The following TMEM45A variants were observed in gnomAD, a reference collection of about 807,000 sequenced individuals.
TMEM45A encodes the protein transmembrane protein 45A, also known as DNA polymerase-transactivated protein 4.
Under a neutral mutation model 32.0 loss-of-function variants are expected in TMEM45A, and 25 were observed. The observed-to-expected ratio is 0.78, with a 90% CI of 0.57 to 1.09. The LOEUF (loss-of-function observed/expected upper bound fraction) is 1.09, where lower values mean the gene tolerates loss of function less well. Ranked by LOEUF, TMEM45A falls within the 50% of genes least tolerant of loss-of-function variation. TMEM45A has a pLI of 0.00. For missense variants in TMEM45A, 302 were observed against 325.0 expected (o/e 0.93, Z 0.54); for synonymous variants, 122 against 114.8 (o/e 1.06, Z -0.40).
chr3:100,537,731 C>G (rs536903656), intron 1 of TMEM45A, among the ~76,000 whole-genome samples: 13 of 152,228 alleles, frequency 8.5e-5, no homozygotes, highest in Non-Finnish European at 1.8e-4. Context: ...GATAGCCAAA[C>G]GTTCACACAG....
intron 1 of TMEM45A, among the ~76,000 whole-genome samples, chr3:100,541,422 G>A (rs1272303918): frequency 2.0e-5 from 3 of 151,728 alleles, no homozygotes; most frequent in Non-Finnish European, 4.4e-5. Context: ...CCAGAATGGT[G>A]CTTCATAGGC....
At chr3:100,540,691 C>T (rs1705855333) in intron 1 of TMEM45A, among the ~76,000 whole-genome samples, 1 of 152,240 alleles carries the variant, frequency 6.6e-6, no homozygotes, top group East Asian at 1.9e-4. Context: ...GAATTGTGCT[C>T]CTAGTATTTA....
chr3:100,523,959 C>T (rs1464770845), intron 1 of TMEM45A, among the ~76,000 whole-genome samples: 1 of 152,208 alleles, frequency 6.6e-6, no homozygotes, highest in African/African-American at 2.4e-5. Context: ...TTTGTTTGGT[C>T]ATAGTAGAAT....
rs1223031404 is a variant in TMEM45A, at chr3:100,577,290, C to A, written c.*272C>A. ...TTCCAGATTATCTAAAGTTGGATGC[C>A]CACACTATGAAAGAAATATTTGTTT... On this transcript the variant is annotated 3_prime_UTR_variant, in exon 6 of 6. Coordinates refer to ENST00000323523, the MANE Select transcript of TMEM45A (RefSeq NM_018004.3). The A allele has an allele frequency of 3.3e-6, 1 of 304,968 alleles. No individual in the cohort carries two copies. The highest frequency in any genetic ancestry group is 2.2e-5 in the African/African-American group (1 of 44,638). The allele number at this position is 304,968 out of a possible 1,614,324, so 18.9% of individuals were successfully genotyped here.
chr3:100,543,351 G>C (rs1328697015), intron 1 of TMEM45A, among the ~76,000 whole-genome samples: 1 of 152,084 alleles, frequency 6.6e-6, no homozygotes, highest in Non-Finnish European at 1.5e-5. Context: ...TAGGAATTTT[G>C]GGAGAGTACA....
In TMEM45A at chr3:100,577,098, T is replaced by C. The variant is rs1375878074; in HGVS notation, c.*80T>C. 15 of 1,203,410 alleles carry C rather than the reference T, an allele frequency of 1.2e-5. No individual in the cohort carries two copies. The highest frequency in any genetic ancestry group is 1.8e-5 in the Non-Finnish European group (15 of 837,648). The allele number at this position is 1,203,410 out of a possible 1,614,324, so 74.5% of individuals were successfully genotyped here. ...TGGTTTTGTTTCTCGATCTTTTGTT[T>C]GGAGAACAGCTGGCTAAGGATGACT... On this transcript the variant is annotated 3_prime_UTR_variant, in exon 6 of 6. Coordinates refer to ENST00000323523, the MANE Select transcript of TMEM45A (RefSeq NM_018004.3).
In TMEM45A at chr3:100,549,668, A is replaced by T. The variant is rs139166235; in HGVS notation, c.-3-5541A>T. On this transcript the variant is annotated intron_variant, in intron 1 of 5. Transcript: ENST00000323523. ...ATTGGTTTAATCTCAAAGGAGGAAGAGTGGGCAGTTTTAGATTTAGGGCCA... is the reference window on the plus strand; with the variant it reads ...ATTGGTTTAATCTCAAAGGAGGAAGTGTGGGCAGTTTTAGATTTAGGGCCA... Among the ~76,000 whole-genome samples, 552 of 152,314 alleles carry T rather than the reference A, an allele frequency of 3.6e-3. 5 individuals carry two copies. The highest frequency in any genetic ancestry group is 0.012 in the African/African-American group (483 of 41,574).
chr3:100,543,939 G>A (rs1049031680), intron 1 of TMEM45A, among the ~76,000 whole-genome samples: 6 of 152,218 alleles, frequency 3.9e-5, no homozygotes, highest in African/African-American at 9.6e-5. Context: ...AAATGGGGGC[G>A]ATAGCATTAC....
chr3:100,519,590 G>A (rs1278476302), intron 1 of TMEM45A: 8 of 1,550,904 alleles, frequency 5.2e-6, no homozygotes, highest in African/African-American at 1.4e-5. Context: ...AAGGGAAAAT[G>A]GGATTTAAAC....
intron 1 of TMEM45A, among the ~76,000 whole-genome samples, chr3:100,526,774 C>A (rs1705553418): frequency 6.6e-6 from 1 of 152,184 alleles, no homozygotes; most frequent in South Asian, 2.1e-4. Context: ...ACAACTCCAA[C>A]AAATTAAGCT....
chr3:100,563,994 C>G (rs1432380587), intron 4 of TMEM45A, among the ~76,000 whole-genome samples: 1 of 152,170 alleles, frequency 6.6e-6, no homozygotes, highest in African/African-American at 2.4e-5. Context: ...AATGCAGAGG[C>G]CCCAGCCCTT....
At chr3:100,535,996 G>A (rs1367774178) in intron 1 of TMEM45A, among the ~76,000 whole-genome samples, 3 of 152,164 alleles carry the variant, frequency 2.0e-5, no homozygotes, top group Admixed American at 6.5e-5. Flanking sequence ...CTAGAACAAT[G>A]TTTCTTAACT....
At chr3:100,546,209 C>A (rs1014929350) in intron 1 of TMEM45A, among the ~76,000 whole-genome samples, 1 of 152,170 alleles carries the variant, frequency 6.6e-6, no homozygotes, top group Non-Finnish European at 1.5e-5. Context: ...CTAGGTGGCA[C>A]CTTGGTTTTA....
chr3:100,525,549 A>G (rs561734712), intron 1 of TMEM45A, among the ~76,000 whole-genome samples: 1 of 152,348 alleles, frequency 6.6e-6, no homozygotes, highest in African/African-American at 2.4e-5. Flanking sequence ...TTTCTATGGA[A>G]AGGAAAATGA....
chr3:100,543,054 G>T (rs1705917952), intron 1 of TMEM45A, among the ~76,000 whole-genome samples: 1 of 151,998 alleles, frequency 6.6e-6, no homozygotes, highest in Non-Finnish European at 1.5e-5. Flanking sequence ...AAATAAAAAT[G>T]GAAAAATAAA....
intron 1 of TMEM45A, among the ~76,000 whole-genome samples, chr3:100,536,027 G>GC (rs1705733848): frequency 6.6e-6 from 1 of 152,074 alleles, no homozygotes; most frequent in Non-Finnish European, 1.5e-5. Flanking sequence ...GTGAGAATTT[G>GC]CCCCCCAGGT....
At chr3:100,569,554 T>C (rs942262331) in intron 5 of TMEM45A, among the ~76,000 whole-genome samples, 1 of 152,226 alleles carries the variant, frequency 6.6e-6, no homozygotes, top group East Asian at 1.9e-4. Context: ...TTATCAGCAG[T>C]ATGACTTTGG....
rs141468545 is a variant in TMEM45A, at chr3:100,503,622, G to A, written c.-4+10694G>A. Among the ~76,000 whole-genome samples, 325 of 152,324 alleles carry A rather than the reference G, an allele frequency of 2.1e-3. 1 individual carries two copies. Among genetic ancestry groups the A allele is most frequent in the Non-Finnish European group, 4.0e-3 (269 of 68,018 alleles). The stretch of plus-strand genomic sequence containing the variant: ...TGTGTGTGATGGGACTTTGTCCAAT[G>A]TAAGATACTTTGCAGAAGTGAGTGA... On this transcript the variant is annotated intron_variant, in intron 1 of 5. Transcript: ENST00000323523.
At chr3:100,511,541 G>A (rs1451954680) in intron 1 of TMEM45A, among the ~76,000 whole-genome samples, 8 of 152,088 alleles carry the variant, frequency 5.3e-5, no homozygotes, top group Non-Finnish European at 7.4e-5. Context: ...AAAGACCAAC[G>A]AGACTAGGAA....
Sources: allele counts gnomAD v4.1 joint callset (sites outside exome capture counted in the v4.1 genomes callset), GRCh38; gene constraint gnomAD v4.1.1; transcripts MANE v1.5; gene names NCBI Gene and HGNC (gene_info 2026-07-23, HGNC 2026-07-21).